The following SLC25A41 variants were observed in gnomAD, a reference collection of about 807,000 sequenced individuals.
SLC25A41 encodes the protein solute carrier family 25 member 41.
In SLC25A41, 35 loss-of-function variants were observed where a neutral mutation model predicts 34.7. The ratio of observed to expected loss-of-function variants is 1.01; its 90% CI spans 0.77 to 1.34. SLC25A41 has a LOEUF of 1.34. Among genes scored for constraint, SLC25A41 ranks in the 40% most tolerant of loss-of-function variants. The pLI is 0.00. For missense variants in SLC25A41, 492 were observed against 489.8 expected, an observed-to-expected ratio of 1.00 and a Z score of -0.04; for synonymous variants, 190 against 209.9, an observed-to-expected ratio of 0.91 and a Z score of 0.82.
At chr19:6,434,543 T>A (rs904945467), upstream of SLC25A41, among the ~76,000 whole-genome samples, 2 of 152,196 alleles carry the variant, frequency 1.3e-5, no homozygotes, top group Non-Finnish European at 2.9e-5. Context: ...CGCTCTTTAG[T>A]GTTTCCTTAT....
chr19:6,426,452 G>A lies in SLC25A41; in HGVS notation c.1050C>T (p.Val350=), dbSNP rs1395053114. 1.2e-6 allele frequency: 2 copies of A among 1,613,834 alleles called. No individual in the cohort carries two copies. The highest frequency in any genetic ancestry group is 1.7e-5 in the Admixed American group (1 of 60,024). Reference sequence around the variant, plus strand: ...CATAGCTGATGCCACCTGCTGGTAAGACCTTCAGTAGCGTGGGGGTCATGC... The same window carrying A: ...CATAGCTGATGCCACCTGCTGGTAAAACCTTCAGTAGCGTGGGGGTCATGC... ...YRGMTPTLLK[V]LPAGGISYVV... The change falls in exon 7 of 7, where the codon GTC becomes GTT. Residue 350 remains valine, a synonymous_variant. Coordinates refer to ENST00000321510, the MANE Select transcript of SLC25A41 (RefSeq NM_173637.4).
In SLC25A41 at chr19:6,427,476, C is replaced by G. The variant is rs374633020; in HGVS notation, c.650G>C (p.Arg217Pro). The change falls in exon 5 of 7, where the codon CGT (arginine) becomes CCT (proline). Residue 217 changes from arginine (R) to proline (P), a missense_variant. Transcript: ENST00000321510. This position sits in a 1 kb window ranked among gnomAD's most constrained non-coding sequence, Gnocchi z 4.9. ...MEVLKTRLTL[R>P]RTGQYKGLLD... ...CAGCCCCTTGTACTGGCCCGTCCGA[C>G]GCAAGGTCAACCGCGTCTTCAGCAC... 6.4e-7 allele frequency: 1 copy of G among 1,562,610 alleles called. No individual in the cohort carries two copies. The highest frequency in any genetic ancestry group is 8.7e-7 in the Non-Finnish European group (1 of 1,149,634).
At chr19:6,428,402 A>C (rs1055560889) in intron 4 of SLC25A41, among the ~76,000 whole-genome samples, 2 of 138,122 alleles carry the variant, frequency 1.4e-5, no homozygotes, top group African/African-American at 5.7e-5. Flanking sequence ...TGAGACTCTC[A>C]AAAAAAAAAA....
intron 2 of SLC25A41, among the ~76,000 whole-genome samples, chr19:6,431,169 G>A (rs560426572): frequency 6.6e-6 from 1 of 151,838 alleles, no homozygotes; most frequent in Non-Finnish European, 1.5e-5. Context: ...GTAGAGATGT[G>A]GTCTGACTAT....
chr19:6,432,366 G>A (rs1181271494), intron 1 of SLC25A41, among the ~76,000 whole-genome samples, 162 bp from the exon 2 acceptor site: 1 of 151,522 alleles, frequency 6.6e-6, no homozygotes, highest in Non-Finnish European at 1.5e-5. Flanking sequence ...AGGTTAGAGT[G>A]CAGTGGCACA....
Position 6,427,991 on chromosome 19 carries a change from G to A in SLC25A41, c.625-490C>T, listed in dbSNP as rs922678945. The stretch of plus-strand genomic sequence containing the variant: ...CTTTATGGCAAAAAGATCAAGCACT[G>A]GGGGGAAAGAAAGAGAGTGAATAGG... On this transcript the variant is annotated intron_variant, in intron 4 of 6. Transcript: ENST00000321510. The surrounding 1 kb of genome is among the most constrained non-coding windows in gnomAD (Gnocchi z 4.9). 6.6e-6 allele frequency among the ~76,000 whole-genome samples: 1 copy of A among 152,200 alleles called. No homozygotes were observed. Among genetic ancestry groups the A allele is most frequent in the African/African-American group, 2.4e-5 (1 of 41,550 alleles).
chr19:6,430,418 T>G, intron 2 of SLC25A41: 2 of 550,962 alleles, frequency 3.6e-6, no homozygotes, highest in Non-Finnish European at 6.5e-6. Context: ...TCTCTCTTTC[T>G]TCCTTCCATC....
Position 6,433,536 on chromosome 19 carries a change from G to A in SLC25A41, c.158C>T (p.Ala53Val), listed in dbSNP as rs200336615. The A allele has an allele frequency of 3.4e-5, 55 of 1,613,278 alleles. No individual in the cohort carries two copies. Among genetic ancestry groups the A allele is most frequent in the Non-Finnish European group, 4.4e-5 (52 of 1,179,852 alleles). Residue 53 changes from alanine to valine, a missense_variant, in exon 1 of 7, where the codon GCG (alanine) becomes GTG (valine). Transcript: ENST00000321510. ...GTTGTTGTCATGCATGTGGCCAAAC[G>A]CGTACCCATACACGTGTGTACAGCC... ...NPGCTHVYGY[A>V]FGHMHDNNLE...
At position 6,427,537 on chromosome 19, in the gene SLC25A41, T is replaced by A. The variant is rs765697424; in HGVS notation, c.625-36A>T. ...CGGGGAACAAGGCAGCTCATTTGAT[T>A]GAATCCTGTCAATGACCCTCGGGGT... On this transcript the variant is annotated intron_variant, in intron 4 of 6. Transcript: ENST00000321510. The surrounding 1 kb of genome is among the most constrained non-coding windows in gnomAD (Gnocchi z 4.9). 21 of 1,465,288 alleles carry A rather than the reference T, an allele frequency of 1.4e-5. No individual in the cohort carries two copies. The South Asian group carries it at 2.9e-4, about 21-fold the overall frequency. 90.8% of individuals were successfully genotyped at this position (1,465,288 alleles called of 1,614,324 possible).
In SLC25A41 at chr19:6,427,706, G is replaced by A. The variant is rs980015380; in HGVS notation, c.625-205C>T. On this transcript the variant is annotated intron_variant, in intron 4 of 6. Coordinates refer to ENST00000321510, the MANE Select transcript of SLC25A41 (RefSeq NM_173637.4). This position sits in a 1 kb window ranked among gnomAD's most constrained non-coding sequence, Gnocchi z 4.9. ...ACAAATGCTGGCAAAGGCCAAGAGA[G>A]TGAGGGAAGAAGGCTCACGTCTGTC... 3.3e-5 allele frequency among the ~76,000 whole-genome samples: 5 copies of A among 152,238 alleles called. No homozygotes were observed. The highest frequency in any genetic ancestry group is 9.6e-5 in the African/African-American group (4 of 41,462).
upstream of SLC25A41, among the ~76,000 whole-genome samples, chr19:6,434,871 T>G (rs2145151532): frequency 6.6e-6 from 1 of 152,020 alleles, no homozygotes; most frequent in African/African-American, 2.4e-5. Flanking sequence ...ATTGAGCCAT[T>G]GCACTGCAGC....
rs1469646724 is a variant in SLC25A41 at position 6,429,037 on chromosome 19, ATAATATATATATTATATATATGT to A, written c.624+664_624+686del. Among the ~76,000 whole-genome samples, 19 of 39,214 alleles carry A rather than the reference ATAATATATATATTATATATATGT, an allele frequency of 4.8e-4. 1 individual carries two copies. Among genetic ancestry groups the A allele is most frequent in the African/African-American group, 3.3e-3 (14 of 4,280 alleles). The allele number at this position is 39,214 out of a possible 152,430, so 25.7% of individuals were successfully genotyped here. A position where few individuals can be genotyped will look rare whatever the true frequency, so the allele number is the denominator to read the frequency against. On this transcript the variant is annotated intron_variant, in intron 4 of 6. Coordinates refer to ENST00000321510, the MANE Select transcript of SLC25A41 (RefSeq NM_173637.4). ...GGCCTGAAAATTTATATATATATAT[ATAATATATATATTATATATATGT>A]TATATATATATATAATATATATATT...
chr19:6,429,846 A>G lies in SLC25A41; in HGVS notation c.517-15T>C, dbSNP rs1284860379. 2.5e-6 allele frequency: 4 copies of G among 1,609,314 alleles called. No individual in the cohort carries two copies. In the East Asian group the frequency reaches 8.9e-5, roughly 36 times the overall value. ...TAATTCTTGCACTGGGAGAGGAGAG[A>G]GGAGGGTGAGAGAGAAGTCAGCCAC... is the stretch of plus-strand genomic sequence containing the variant. On this transcript the variant is annotated splice_polypyrimidine_tract_variant and intron_variant, in intron 3 of 6. Transcript: ENST00000321510.
At chr19:6,431,489 G>C (rs1196036978) in intron 2 of SLC25A41, among the ~76,000 whole-genome samples, 1 of 151,650 alleles carries the variant, frequency 6.6e-6, no homozygotes, top group Non-Finnish European at 1.5e-5. Context: ...GCCCAGGCTG[G>C]AGTGCAGTGA....
rs774774597 is a variant in SLC25A41 at position 6,433,740 on chromosome 19, C to T, written c.-47G>A. On this transcript the variant is annotated 5_prime_UTR_variant, in exon 1 of 7. Transcript: ENST00000321510. ...CTTCAAATCCCTAAGCAGTTGTTTGCTGCTCCAGCTACCATGCGGGAGTGT... is the reference window on the plus strand; with the variant it reads ...CTTCAAATCCCTAAGCAGTTGTTTGTTGCTCCAGCTACCATGCGGGAGTGT... The T allele has an allele frequency of 4.2e-6, 6 of 1,433,634 alleles. No homozygotes were observed. The East Asian group carries it at 1.5e-4, about 35-fold the overall frequency. The allele number at this position is 1,433,634 out of a possible 1,614,324, so 88.8% of individuals were successfully genotyped here.
intron 4 of SLC25A41, among the ~76,000 whole-genome samples, chr19:6,428,544 A>G (rs1226409124): frequency 6.8e-6 from 1 of 147,898 alleles, no homozygotes; most frequent in African/African-American, 2.5e-5. Flanking sequence ...ATTATATATA[A>G]CATGCATAGA....
At chr19:6,429,418 GAGA>G (rs2092271731) in intron 4 of SLC25A41, among the ~76,000 whole-genome samples, 1 of 934 alleles carries the variant, frequency 1.1e-3, no homozygotes, top group Non-Finnish European at 3.0e-3. Context: ...AAGAGGGGAG[GAGA>G]AGGGAGAAAG....
At position 6,427,793 on chromosome 19, in the gene SLC25A41, C is replaced by A. The variant is rs1432688858; in HGVS notation, c.625-292G>T. Among the ~76,000 whole-genome samples the A allele has an allele frequency of 2.0e-5, 3 of 152,050 alleles. No individual in the cohort carries two copies. Among genetic ancestry groups the A allele is most frequent in the Non-Finnish European group, 4.4e-5 (3 of 68,000 alleles). ...CTTGAGGCCGGGAGTTCGAGACCAG[C>A]CTGGGCAACATAGCGAGACCCCATC... On this transcript the variant is annotated intron_variant, in intron 4 of 6. Transcript: ENST00000321510. This position sits in a 1 kb window ranked among gnomAD's most constrained non-coding sequence, Gnocchi z 4.9.
chr19:6,435,776 G>A (rs1214149368), upstream of SLC25A41, among the ~76,000 whole-genome samples: 2 of 152,262 alleles, frequency 1.3e-5, no homozygotes, highest in East Asian at 1.9e-4. Context: ...AGGCTCCCTT[G>A]AGCACAGGAA....
Sources: allele counts gnomAD v4.1 joint callset (sites outside exome capture counted in the v4.1 genomes callset), GRCh38; gene constraint gnomAD v4.1.1; non-coding constraint Gnocchi (gnomAD v3.1); transcripts MANE v1.5; gene names NCBI Gene and HGNC (gene_info 2026-07-23, HGNC 2026-07-21).